The following HNRNPF variants were observed in gnomAD, a reference collection of about 807,000 sequenced individuals.
HNRNPF encodes the protein HnRNP F protein.
In HNRNPF, 2 loss-of-function variants were observed where a neutral mutation model predicts 26.0. The ratio of observed to expected loss-of-function variants is 0.08; its 90% CI spans 0.03 to 0.24. The LOEUF (loss-of-function observed/expected upper bound fraction) is 0.24, where lower values mean the gene tolerates loss of function less well. Among genes scored for constraint, HNRNPF ranks in the 10% least tolerant of loss-of-function variants. HNRNPF has a pLI of 1.00. For synonymous variants in HNRNPF, 234 were observed against 211.5 expected, an observed-to-expected ratio of 1.11 and a Z score of -0.92; for missense variants, 299 against 539.2, an observed-to-expected ratio of 0.55 and a Z score of 4.41.
chr10:43,397,563 A>G (rs1286963525), intron 1 of HNRNPF, among the ~76,000 whole-genome samples: 1 of 152,212 alleles, frequency 6.6e-6, no homozygotes, highest in East Asian at 1.9e-4. Flanking sequence ...CCTCTCTGGG[A>G]GGCCGCCTCT....
rs1406100244 is a variant in HNRNPF at position 43,398,705 on chromosome 10, G to C, written c.-246-2115C>G. Among the ~76,000 whole-genome samples, 6 of 152,118 alleles carry C rather than the reference G, an allele frequency of 3.9e-5. No homozygotes were observed. The East Asian group carries it at 1.2e-3, about 29-fold the overall frequency. On this transcript the variant is annotated intron_variant, in intron 1 of 3. Coordinates refer to ENST00000682386, the MANE Select transcript of HNRNPF (RefSeq NM_001098204.2). Reference sequence around the variant, plus strand: ...GGGTCTGGCTCAGCTGCCCAGGCTGGAATGCAGTGGCACGATCATGGCAAT... The same window carrying C: ...GGGTCTGGCTCAGCTGCCCAGGCTGCAATGCAGTGGCACGATCATGGCAAT...
chr10:43,399,726 T>C (rs546088100), intron 1 of HNRNPF, among the ~76,000 whole-genome samples: 2 of 152,170 alleles, frequency 1.3e-5, no homozygotes, highest in South Asian at 2.1e-4. Flanking sequence ...ATGTGTAATG[T>C]AGAGAAAAAT....
chr10:43,394,993 G>A (rs955983822), intron 2 of HNRNPF, among the ~76,000 whole-genome samples: 1 of 152,108 alleles, frequency 6.6e-6, no homozygotes, highest in Non-Finnish European at 1.5e-5. Context: ...GCGAATTTTT[G>A]TATTTTTAGT....
At chr10:43,400,128 T>C (rs1838707188) in intron 1 of HNRNPF, among the ~76,000 whole-genome samples, 1 of 152,002 alleles carries the variant, frequency 6.6e-6, no homozygotes, top group South Asian at 2.1e-4. Context: ...GGAGGATCAC[T>C]TGAGCCCAAG....
intron 1 of HNRNPF, among the ~76,000 whole-genome samples, chr10:43,400,351 ATTC>A (rs1168166589): frequency 6.6e-6 from 1 of 152,126 alleles, no homozygotes. Flanking sequence ...TTGTATTCAT[ATTC>A]TTATTTCGTG....
intron 1 of HNRNPF, among the ~76,000 whole-genome samples, chr10:43,400,565 A>C (rs1322863972): frequency 6.6e-6 from 1 of 152,206 alleles, no homozygotes; most frequent in Non-Finnish European, 1.5e-5. Flanking sequence ...TAATGGCCTC[A>C]AAAGTATCTT....
chr10:43,405,632 G>C (rs1838891401), intron 1 of HNRNPF, among the ~76,000 whole-genome samples: 1 of 151,764 alleles, frequency 6.6e-6, no homozygotes, highest in Admixed American at 6.6e-5. Flanking sequence ...CTCCAGCCTG[G>C]GTGACAAGAG....
At chr10:43,396,794 G>C (rs1838543709) in intron 1 of HNRNPF, 1 of 151,618 alleles carries the variant, frequency 6.6e-6, no homozygotes, top group Non-Finnish European at 1.5e-5. Context: ...GCGCGGGCTC[G>C]GGCGGGAGCT....
intron 3 of HNRNPF, among the ~76,000 whole-genome samples, chr10:43,392,080 C>T (rs1838272475): frequency 6.6e-6 from 1 of 152,052 alleles, no homozygotes; most frequent in Non-Finnish European, 1.5e-5. Context: ...CCCGCCTCTA[C>T]CAAAAATACA....
intron 3 of HNRNPF, among the ~76,000 whole-genome samples, chr10:43,392,618 TCTTA>T (rs1261651699): frequency 2.0e-5 from 3 of 152,358 alleles, no homozygotes; most frequent in African/African-American, 4.8e-5. Context: ...TTTATCTTCA[TCTTA>T]CTTAACCATT....
At chr10:43,404,568 T>C (rs927901004) in intron 1 of HNRNPF, among the ~76,000 whole-genome samples, 2 of 151,774 alleles carry the variant, frequency 1.3e-5, no homozygotes, top group African/African-American at 4.8e-5. Flanking sequence ...GAATCAAAAC[T>C]ACCTCCAGAC....
chr10:43,407,201 G>C (rs771127651), intron 1 of HNRNPF, among the ~76,000 whole-genome samples: 1 of 151,362 alleles, frequency 6.6e-6, no homozygotes, highest in Admixed American at 6.6e-5. Context: ...CCCCGGCGCA[G>C]GGCCCGCCCC....
chr10:43,404,910 C>T (rs970062258), intron 1 of HNRNPF, among the ~76,000 whole-genome samples: 1 of 152,126 alleles, frequency 6.6e-6, no homozygotes, highest in Non-Finnish European at 1.5e-5. Flanking sequence ...ACTCAAAGAC[C>T]ACCACGGAAA....
At chr10:43,394,844 T>C (rs1049725655) in intron 2 of HNRNPF, among the ~76,000 whole-genome samples, 156 bp from the exon 3 acceptor site, 9 of 152,102 alleles carry the variant, frequency 5.9e-5, no homozygotes, top group African/African-American at 1.9e-4. Context: ...CCTAACAGCA[T>C]TTTGGAAGTA....
intron 3 of HNRNPF, among the ~76,000 whole-genome samples, chr10:43,389,533 T>C (rs1488573530): frequency 1.3e-5 from 2 of 152,248 alleles, no homozygotes; most frequent in South Asian, 2.1e-4. Flanking sequence ...GATAATGACA[T>C]ATTATCATAC....
chr10:43,393,820 C>G (rs1838351541), intron 3 of HNRNPF, among the ~76,000 whole-genome samples: 1 of 152,112 alleles, frequency 6.6e-6, no homozygotes, highest in Non-Finnish European at 1.5e-5. Flanking sequence ...CTTTTTTCTC[C>G]TGGAATGTGG....
At chr10:43,399,658 C>T (rs553737048) in intron 1 of HNRNPF, among the ~76,000 whole-genome samples, 1 of 152,052 alleles carries the variant, frequency 6.6e-6, no homozygotes, top group East Asian at 1.9e-4. Flanking sequence ...TACATGGAGA[C>T]AAGATGGGAA....
At chr10:43,398,584 C>T (rs953190298) in intron 1 of HNRNPF, among the ~76,000 whole-genome samples, 4 of 152,116 alleles carry the variant, frequency 2.6e-5, no homozygotes, top group South Asian at 4.1e-4. Flanking sequence ...TTGTGATCCA[C>T]CCACTTCAGC....
chr10:43,391,704 C>A (rs943591946), intron 3 of HNRNPF, among the ~76,000 whole-genome samples: 3 of 152,084 alleles, frequency 2.0e-5, no homozygotes, highest in Admixed American at 6.6e-5. Flanking sequence ...CCCCTTACAG[C>A]GGACATCGTG....
Sources: allele counts gnomAD v4.1 joint callset (sites outside exome capture counted in the v4.1 genomes callset), GRCh38; gene constraint gnomAD v4.1.1; transcripts MANE v1.5; gene names NCBI Gene and HGNC (gene_info 2026-07-23, HGNC 2026-07-21).